The following ADCY5 variants were observed in gnomAD, a reference collection of about 807,000 sequenced individuals.
ADCY5 encodes the protein adenylate cyclase type 5.
ADCY5 carries 30 observed loss-of-function variants against 119.7 expected under a neutral mutation model. The ratio of observed to expected loss-of-function variants is 0.25; its 90% CI spans 0.19 to 0.34. The LOEUF (loss-of-function observed/expected upper bound fraction) is 0.34. Among genes scored for constraint, ADCY5 ranks in the 10% least tolerant of loss-of-function variants. The pLI is 1.00. For missense variants in ADCY5, 1,324 were observed against 1,775.2 expected, an observed-to-expected ratio of 0.75 and a Z score of 4.57; for synonymous variants, 753 against 762.2, an observed-to-expected ratio of 0.99 and a Z score of 0.20.
intron 1 of ADCY5, among the ~76,000 whole-genome samples, chr3:123,379,229 G>A (rs763066086): frequency 2.0e-5 from 3 of 152,124 alleles, no homozygotes; most frequent in Non-Finnish European, 2.9e-5. Flanking sequence ...CACCCCCAGC[G>A]AGGAACACAG....
chr3:123,375,722 TG>T (rs1253392450), intron 1 of ADCY5, among the ~76,000 whole-genome samples: 1 of 152,220 alleles, frequency 6.6e-6, no homozygotes, highest in Non-Finnish European at 1.5e-5. Flanking sequence ...CCAACTGTGC[TG>T]GGCACTCTGG....
In ADCY5 at chr3:123,318,079, C is replaced by T; in HGVS notation, c.2295G>A (p.Val765=). 4 of 1,613,886 alleles carry T rather than the reference C, an allele frequency of 2.5e-6. No individual in the cohort carries two copies. Among genetic ancestry groups the T allele is most frequent in the Non-Finnish European group, 3.4e-6 (4 of 1,179,948 alleles). Residue 765 remains valine, a synonymous_variant, in exon 11 of 21, where the codon GTG becomes GTA. Transcript: ENST00000462833. ...KQVDDRFGAY[V]ACASLVFLFI... ...AGAGGAAGACGAGCGAGGCACACGC[C>T]ACATAGGCACCAAATCGGTCGTCTA...
intron 1 of ADCY5, among the ~76,000 whole-genome samples, chr3:123,423,226 G>C (rs574960584): frequency 8.0e-4 from 122 of 152,262 alleles, no homozygotes; most frequent in Admixed American, 3.5e-3. Flanking sequence ...GCCCACGCTG[G>C]GCACGAGCCC....
chr3:123,424,927 A>C (rs1489837542), intron 1 of ADCY5, among the ~76,000 whole-genome samples: 2 of 152,252 alleles, frequency 1.3e-5, no homozygotes, highest in Non-Finnish European at 2.9e-5. Flanking sequence ...CTGAAATGCC[A>C]AATGTTAATT....
chr3:123,348,706 C>T (rs190828874), intron 2 of ADCY5, among the ~76,000 whole-genome samples: 1 of 152,282 alleles, frequency 6.6e-6, no homozygotes, highest in Non-Finnish European at 1.5e-5. Flanking sequence ...CTCACGTCAG[C>T]CTGTTACGGA....
rs534071922 is a variant in ADCY5 at position 123,300,868 on chromosome 3, C to A, written c.2725-573G>T. Among the ~76,000 whole-genome samples, 6 of 152,336 alleles carry A rather than the reference C, an allele frequency of 3.9e-5. No homozygotes were observed. In the South Asian group the frequency reaches 1.0e-3, roughly 26 times the overall value. ...CGCTAGTTATCATCTTTATCCTGTCCCCTGTGACATGCAGACATGCTACTA... is the reference window on the plus strand; with the variant it reads ...CGCTAGTTATCATCTTTATCCTGTCACCTGTGACATGCAGACATGCTACTA... On this transcript the variant is annotated intron_variant, in intron 14 of 20. Coordinates refer to ENST00000462833, the MANE Select transcript of ADCY5 (RefSeq NM_183357.3).
At chr3:123,344,852 C>G (rs781246147) in intron 3 of ADCY5, among the ~76,000 whole-genome samples, 1 of 152,198 alleles carries the variant, frequency 6.6e-6, no homozygotes, top group Non-Finnish European at 1.5e-5. Flanking sequence ...CATATGATTG[C>G]TTGCAGTTGG....
intron 1 of ADCY5, among the ~76,000 whole-genome samples, chr3:123,392,952 G>C (rs184275181): frequency 6.6e-6 from 1 of 152,278 alleles, no homozygotes; most frequent in East Asian, 1.9e-4. Flanking sequence ...ATGATCAGAA[G>C]GGGGTCTCTA....
chr3:123,418,556 G>A lies in ADCY5; in HGVS notation c.1134+28856C>T, dbSNP rs73188509. On this transcript the variant is annotated intron_variant, in intron 1 of 20. Coordinates refer to ENST00000462833, the MANE Select transcript of ADCY5 (RefSeq NM_183357.3). ...GTGTGAAGGAACAAAACCTATGGGC[G>A]CCCTGGCTTTACAACAACTCACTCT... is the stretch of plus-strand genomic sequence containing the variant. 8.6e-3 allele frequency among the ~76,000 whole-genome samples: 1,304 copies of A among 152,176 alleles called. 9 individuals carry two copies. Among genetic ancestry groups the A allele is most frequent in the Non-Finnish European group, 0.012 (831 of 68,008 alleles).
intron 1 of ADCY5, among the ~76,000 whole-genome samples, chr3:123,407,564 C>A (rs114652407): frequency 0.015 from 1,794 of 123,708 alleles, 35 homozygotes; most frequent in African/African-American, 0.052. Context: ...CCAGCCTGGG[C>A]AACATAGTGA....
At chr3:123,313,754 A>G (rs542376122) in intron 12 of ADCY5, among the ~76,000 whole-genome samples, 1 of 152,200 alleles carries the variant, frequency 6.6e-6, no homozygotes, top group South Asian at 2.1e-4. Context: ...AAACACCAAA[A>G]CACACTCCTC....
intron 1 of ADCY5, among the ~76,000 whole-genome samples, chr3:123,358,195 T>TGTGTGTGA (rs58986112): frequency 0.024 from 3,637 of 149,122 alleles, 153 homozygotes; most frequent in African/African-American, 0.074. Context: ...TGTGTGTGTG[T>TGTGTGTGA]AGGGAGTTGG....
chr3:123,383,903 C>G (rs896068286), intron 1 of ADCY5, among the ~76,000 whole-genome samples: 1 of 151,148 alleles, frequency 6.6e-6, no homozygotes, highest in East Asian at 2.0e-4. Context: ...AAGGTGCACA[C>G]ACACACCCTT....
chr3:123,415,923 A>G (rs1391499731), intron 1 of ADCY5, among the ~76,000 whole-genome samples: 1 of 152,262 alleles, frequency 6.6e-6, no homozygotes, highest in Non-Finnish European at 1.5e-5. Flanking sequence ...GCAAGAAGAA[A>G]AAAAGAAAAA....
intron 1 of ADCY5, among the ~76,000 whole-genome samples, chr3:123,378,385 AAAAG>A (rs951650644): frequency 8.5e-5 from 13 of 152,110 alleles, no homozygotes; most frequent in East Asian, 1.9e-4. Context: ...TCGAAAAAAA[AAAAG>A]AAAGAAAGAA....
chr3:123,374,211 C>A (rs577210176), intron 1 of ADCY5, among the ~76,000 whole-genome samples: 15 of 152,184 alleles, frequency 9.9e-5, no homozygotes, highest in African/African-American at 3.6e-4. Context: ...ATGAAAACAA[C>A]AGTCCTCAAA....
intron 7 of ADCY5, 48 bp from the exon 8 acceptor site, chr3:123,325,510 G>T (rs1431571044): frequency 1.2e-6 from 2 of 1,611,536 alleles, no homozygotes; most frequent in Admixed American, 3.3e-5. Context: ...TCCAAGCGGA[G>T]GGCTCCTCAC....
chr3:123,329,205 G>A (rs1411569983), intron 5 of ADCY5, among the ~76,000 whole-genome samples: 3 of 152,246 alleles, frequency 2.0e-5, no homozygotes, highest in African/African-American at 7.2e-5. Flanking sequence ...GCTCTTGTGG[G>A]TAAGACAGAA....
At chr3:123,297,087 A>T (rs1256400874) in intron 16 of ADCY5, 1 of 1,516,930 alleles carries the variant, frequency 6.6e-7, no homozygotes, top group Non-Finnish European at 8.9e-7. Context: ...ATGCTTTAAC[A>T]TGAGGCCTAT....
Sources: allele counts gnomAD v4.1 joint callset (sites outside exome capture counted in the v4.1 genomes callset), GRCh38; gene constraint gnomAD v4.1.1; transcripts MANE v1.5; gene names NCBI Gene and HGNC (gene_info 2026-07-23, HGNC 2026-07-21).